VMP1: variants seen among roughly 807,000 people sequenced by gnomAD.
VMP1 encodes the protein vacuole membrane protein 1.
In VMP1, 11 loss-of-function variants were observed where a neutral mutation model predicts 56.0. The observed-to-expected ratio is 0.20, with a 90% CI of 0.12 to 0.32. VMP1 has a LOEUF of 0.32. Among genes scored for constraint, VMP1 ranks in the 10% least tolerant of loss-of-function variants. The pLI, the probability that VMP1 is intolerant of heterozygous loss-of-function variation, is 1.00. For synonymous variants in VMP1, 149 were observed against 165.0 expected (o/e 0.90, Z 0.74); for missense variants, 296 against 490.3 (o/e 0.60, Z 3.74).
intron 8 of VMP1, among the ~76,000 whole-genome samples, chr17:59,809,668 G>A (rs1436227891): frequency 6.6e-6 from 1 of 150,574 alleles, no homozygotes; most frequent in South Asian, 2.1e-4. Context: ...CACTACGCCC[G>A]GCTAATTTTT....
chr17:59,719,243 CAA>C (rs1349945176), intron 1 of VMP1, among the ~76,000 whole-genome samples: 1 of 152,022 alleles, frequency 6.6e-6, no homozygotes, highest in African/African-American at 2.4e-5. Flanking sequence ...CGCTTGAGCC[CAA>C]GAGTTCCAGC....
chr17:59,762,354 A>G (rs925644623), intron 5 of VMP1, among the ~76,000 whole-genome samples: 5 of 152,180 alleles, frequency 3.3e-5, no homozygotes, highest in Non-Finnish European at 7.4e-5. Flanking sequence ...TTCTTTGTTT[A>G]GTATGGTTAA....
chr17:59,825,063 TTA>T (rs2038597818), intron 10 of VMP1, among the ~76,000 whole-genome samples: 1 of 146,488 alleles, frequency 6.8e-6, no homozygotes, highest in Non-Finnish European at 1.5e-5. Context: ...TCAAAAGGCA[TTA>T]TGTTAGTTGT....
chr17:59,751,374 G>A (rs1338318263), intron 5 of VMP1, among the ~76,000 whole-genome samples: 1 of 152,128 alleles, frequency 6.6e-6, no homozygotes, highest in African/African-American at 2.4e-5. Context: ...TTTGCATAAA[G>A]AGAACATAGC....
chr17:59,783,776 G>A (rs540492081), intron 7 of VMP1, among the ~76,000 whole-genome samples: 2 of 152,072 alleles, frequency 1.3e-5, no homozygotes, highest in South Asian at 4.2e-4. Flanking sequence ...ACTGTTTCAG[G>A]CCTTTATCAA....
In VMP1 at chr17:59,738,785, C is replaced by A. The variant is rs191005932; in HGVS notation, c.304-52C>A. The A allele has an allele frequency of 3.3e-5, 41 of 1,240,234 alleles. No homozygotes were observed. In the East Asian group the frequency reaches 9.2e-4, roughly 28 times the overall value. 76.8% of individuals were successfully genotyped at this position (1,240,234 alleles called of 1,614,324 possible). On this transcript the variant is annotated intron_variant, in intron 4 of 11. Transcript: ENST00000262291. ...TAATTTTGATGATGGTTTATAAATA[C>A]CGCATTTCTGTATAGAGAATTCACG...
intron 9 of VMP1, among the ~76,000 whole-genome samples, chr17:59,817,282 CAAAAAA>C (rs1209080230): frequency 7.0e-4 from 42 of 60,370 alleles, no homozygotes; most frequent in Admixed American, 4.6e-3. Flanking sequence ...AACTCTGTCT[CAAAAAA>C]AAAAAAAAAA....
intron 7 of VMP1, among the ~76,000 whole-genome samples, chr17:59,793,069 A>G (rs2037300124): frequency 9.1e-6 from 1 of 109,836 alleles, no homozygotes; most frequent in African/African-American, 2.7e-5. Context: ...CTGGAGTGCA[A>G]TGGCACAATC....
At chr17:59,758,764 T>G (rs1245529013) in intron 5 of VMP1, among the ~76,000 whole-genome samples, 5 of 151,814 alleles carry the variant, frequency 3.3e-5, no homozygotes, top group Admixed American at 3.3e-4. Context: ...CCTAGGAGTT[T>G]AAGCAACACA....
chr17:59,724,293 C>T (rs1002823661), intron 1 of VMP1, among the ~76,000 whole-genome samples: 3 of 150,796 alleles, frequency 2.0e-5, no homozygotes, highest in Non-Finnish European at 4.4e-5. Flanking sequence ...GAGGGTAAAA[C>T]GTTTTGGGAG....
intron 7 of VMP1, among the ~76,000 whole-genome samples, chr17:59,796,245 T>C (rs1262309777): frequency 6.6e-6 from 1 of 152,214 alleles, no homozygotes; most frequent in Non-Finnish European, 1.5e-5. Context: ...TTTGATGTTT[T>C]GGATCACCTT....
At chr17:59,816,175 G>A (rs1430803526) in intron 9 of VMP1, among the ~76,000 whole-genome samples, 2 of 152,142 alleles carry the variant, frequency 1.3e-5, no homozygotes, top group African/African-American at 2.4e-5. Context: ...AGAAAATCTT[G>A]TTTTGCTGTT....
At chr17:59,813,077 G>A (rs1172666384) in intron 9 of VMP1, among the ~76,000 whole-genome samples, 1 of 152,136 alleles carries the variant, frequency 6.6e-6, no homozygotes, top group Non-Finnish European at 1.5e-5. Flanking sequence ...AACTTCGGCT[G>A]CTTCTACTTA....
intron 5 of VMP1, among the ~76,000 whole-genome samples, chr17:59,748,195 C>CAAAAAAAAAAA (rs36016640): frequency 9.7e-6 from 1 of 103,148 alleles, no homozygotes; most frequent in Non-Finnish European, 1.9e-5. Flanking sequence ...GACTCCGTCT[C>CAAAAAAAAAAA]AAAAAAAAAA....
chr17:59,713,809 G>T (rs1455163130), intron 1 of VMP1, among the ~76,000 whole-genome samples: 1 of 150,910 alleles, frequency 6.6e-6, no homozygotes, highest in Non-Finnish European at 1.5e-5. Context: ...GAGAGGCCAA[G>T]GTGCGCAGAT....
intron 5 of VMP1, among the ~76,000 whole-genome samples, chr17:59,743,672 A>G (rs1278322560): frequency 6.6e-6 from 1 of 151,068 alleles, no homozygotes; most frequent in African/African-American, 2.4e-5. Flanking sequence ...TATAATATAT[A>G]CTCTATTGAT....
intron 10 of VMP1, chr17:59,837,583 T>C (rs1182521040): frequency 1.3e-5 from 2 of 152,200 alleles, no homozygotes; most frequent in Admixed American, 6.6e-5. Flanking sequence ...GTTACTAATG[T>C]ACTGGAGTTT....
At chr17:59,718,565 A>G (rs1598284303) in intron 1 of VMP1, among the ~76,000 whole-genome samples, 2 of 152,010 alleles carry the variant, frequency 1.3e-5, no homozygotes, top group South Asian at 4.2e-4. Flanking sequence ...GTGCAGTGCC[A>G]CAATCATAGC....
intron 7 of VMP1, among the ~76,000 whole-genome samples, chr17:59,793,432 T>G (rs1044754105): frequency 8.5e-6 from 1 of 117,100 alleles, no homozygotes; most frequent in African/African-American, 2.6e-5. Context: ...TACTTATTTC[T>G]ATGCAGTAAT....
Sources: gnomAD v4.1 joint callset for allele counts (sites outside exome capture counted in the v4.1 genomes callset) on GRCh38, gnomAD v4.1.1 for gene constraint, MANE v1.5 for transcripts, NCBI Gene and HGNC (gene_info 2026-07-23, HGNC 2026-07-21) for gene names.